LENG8: variants seen among roughly 807,000 people sequenced by gnomAD.
The protein encoded by LENG8 is leukocyte receptor cluster (LRC) member 8.
Under a neutral mutation model 102.1 loss-of-function variants are expected in LENG8, and 28 were observed. That is an observed-to-expected ratio of 0.27 (90% CI 0.20 to 0.38). The LOEUF (loss-of-function observed/expected upper bound fraction) is 0.38. LENG8 is among the 10% of genes least tolerant of loss of function. LENG8 has a pLI of 1.00. For synonymous variants in LENG8, 531 were observed against 456.7 expected, an observed-to-expected ratio of 1.16 and a Z score of -2.07; for missense variants, 1,022 against 1,113.9, an observed-to-expected ratio of 0.92 and a Z score of 1.17.
At chr19:54,459,841 AG>A in intron 15 of LENG8, 1 of 1,159,964 alleles carries the variant, frequency 8.6e-7, no homozygotes, top group Non-Finnish European at 1.1e-6. Context: ...GTTAGAAGGA[AG>A]GGGAGGCAGG....
At chr19:54,454,351 G>A (rs2084105925) in intron 5 of LENG8, 79 bp from the exon 6 acceptor site, 7 of 1,445,250 alleles carry the variant, frequency 4.8e-6, no homozygotes, top group African/African-American at 2.8e-5. Flanking sequence ...TGACCACTGC[G>A]TCCTCACAGC....
At chr19:54,451,999 A>G (rs2083983172) in intron 2 of LENG8, 94 bp from the exon 3 acceptor site, 1 of 1,161,806 alleles carries the variant, frequency 8.6e-7, no homozygotes, top group Middle Eastern at 2.0e-4. Context: ...TAACAGTTAG[A>G]TATGGGATCC....
At chr19:54,454,749 C>T in intron 6 of LENG8, 67 bp downstream of exon 6, 1 of 1,499,206 alleles carries the variant, frequency 6.7e-7, no homozygotes. Flanking sequence ...GGGTGTGAGG[C>T]CCGTGGTGTG....
At chr19:54,450,343 T>C (rs1356292075) in intron 1 of LENG8, among the ~76,000 whole-genome samples, 1 of 152,136 alleles carries the variant, frequency 6.6e-6, no homozygotes, top group Non-Finnish European at 1.5e-5. Flanking sequence ...TAAGAACCCA[T>C]TTCTTCACGT....
chr19:54,457,725 TG>T, intron 11 of LENG8, 21 bp from the exon 12 acceptor site: 1 of 1,563,406 alleles, frequency 6.4e-7, no homozygotes, highest in Non-Finnish European at 8.8e-7. Context: ...ACTCCGAGTG[TG>T]AATTCAGTTC....
intron 2 of LENG8, 135 bp downstream of exon 2, chr19:54,451,517 G>A (rs1035453): frequency 0.44 from 375,336 of 862,534 alleles, 84,303 homozygotes; most frequent in East Asian, 0.62. Flanking sequence ...GGGTGGTGGT[G>A]AGGCAAACAC....
intron 5 of LENG8, 122 bp downstream of exon 5, chr19:54,453,778 T>C: frequency 2.9e-6 from 2 of 696,636 alleles, no homozygotes; most frequent in Non-Finnish European, 4.8e-6. Context: ...AAGCAACTCC[T>C]GATCTGAAAA....
chr19:54,452,802 G>C (rs1264524186), intron 4 of LENG8, 50 bp downstream of exon 4: 1 of 1,377,774 alleles, frequency 7.3e-7, no homozygotes, highest in African/African-American at 1.4e-5. Flanking sequence ...AGTCTGCTGG[G>C]TCGGGGCGAG....
At position 54,461,034 on chromosome 19, in the gene LENG8, G is replaced by A. The variant is rs1166308917; in HGVS notation, c.*106G>A. On this transcript the variant is annotated 3_prime_UTR_variant, in exon 16 of 16. Coordinates refer to ENST00000326764, the MANE Select transcript of LENG8 (RefSeq NM_052925.4). ...TGGGTTGTAAATTTATTTGTGGGGA[G>A]TGCGCTCCAGGAAGAGCCACCATCC... The A allele has an allele frequency of 1.2e-5, 18 of 1,490,870 alleles. No individual in the cohort carries two copies. Among genetic ancestry groups the A allele is most frequent in the Non-Finnish European group, 1.5e-5 (17 of 1,110,958 alleles). The allele number at this position is 1,490,870 out of a possible 1,614,324, so 92.4% of individuals were successfully genotyped here.
chr19:54,457,030 G>A, intron 11 of LENG8, 109 bp downstream of exon 11: 2 of 1,232,472 alleles, frequency 1.6e-6, no homozygotes, highest in Admixed American at 5.5e-5. Flanking sequence ...TGGTATGGCA[G>A]GGGAAGCTCG....
rs746123268 is a variant in LENG8 at position 54,459,209 on chromosome 19, A to G, written c.2240+688A>G. 1,318 of 1,113,646 alleles carry G rather than the reference A, an allele frequency of 1.2e-3. 3 individuals carry two copies. Among genetic ancestry groups the G allele is most frequent in the Non-Finnish European group, 1.4e-3 (1,242 of 910,094 alleles). 69.0% of individuals were successfully genotyped at this position (1,113,646 alleles called of 1,614,324 possible). A position where few individuals can be genotyped will look rare whatever the true frequency, so the allele number is the denominator to read the frequency against. ...GGTTTTCGCTTGTCACAGCAAGGGG[A>G]TGCTCTTGGCATCTAGTGAGTGGAG... On this transcript the variant is annotated intron_variant, in intron 15 of 15. Coordinates refer to ENST00000326764, the MANE Select transcript of LENG8 (RefSeq NM_052925.4).
chr19:54,455,790 C>T (rs768423856), intron 8 of LENG8, among the ~76,000 whole-genome samples, 177 bp from the exon 9 acceptor site: 1 of 152,082 alleles, frequency 6.6e-6, no homozygotes, highest in African/African-American at 2.4e-5. Flanking sequence ...TGGTTAAGCG[C>T]ACCCTCTGGA....
chr19:54,453,068 T>G (rs2084037675), intron 4 of LENG8, among the ~76,000 whole-genome samples: 1 of 152,214 alleles, frequency 6.6e-6, no homozygotes, highest in Non-Finnish European at 1.5e-5. Context: ...GTGCTCCCTG[T>G]GTTGCCGCCT....
At position 54,452,214 on chromosome 19, in the gene LENG8, G is replaced by C; in HGVS notation, c.160G>C (p.Ala54Pro). The C allele has an allele frequency of 1.2e-6, 2 of 1,613,914 alleles. No individual in the cohort carries two copies. The highest frequency in any genetic ancestry group is 1.7e-6 in the Non-Finnish European group (2 of 1,179,960). The change falls in exon 3 of 16, where the codon GCT becomes CCT. Residue 54 changes from alanine to proline, a missense_variant. Ala to Pro is a conservative substitution (Grantham distance 27). This residue lies in a region of LENG8 where 343 missense variants were observed against 320.2 expected (regional missense o/e 1.07). Transcript: ENST00000326764. ...QALASISKSGAAGGSAKSSSN... is the reference protein window; with the variant it reads ...QALASISKSGPAGGSAKSSSN... ...CCTGGCCAGCATCAGCAAGTCAGGA[G>C]CTGCCGGCGGCTCTGCCAAGTCCAG...
chr19:54,458,861 C>G (rs180787313), intron 15 of LENG8: 1 of 1,550,422 alleles, frequency 6.4e-7, no homozygotes, highest in East Asian at 2.4e-5. Context: ...TCCTCAGAAC[C>G]CTGAGGTCTC....
Position 54,461,034 on chromosome 19 carries a change from G to C in LENG8, c.*106G>C. 1.3e-6 allele frequency: 2 copies of C among 1,490,988 alleles called. No individual in the cohort carries two copies. The highest frequency in any genetic ancestry group is 1.8e-6 in the Non-Finnish European group (2 of 1,110,950). 92.4% of individuals were successfully genotyped at this position (1,490,988 alleles called of 1,614,324 possible). A position where few individuals can be genotyped will look rare whatever the true frequency, so the allele number is the denominator to read the frequency against. ...TGGGTTGTAAATTTATTTGTGGGGAGTGCGCTCCAGGAAGAGCCACCATCC... is the reference window on the plus strand; with the variant it reads ...TGGGTTGTAAATTTATTTGTGGGGACTGCGCTCCAGGAAGAGCCACCATCC... On this transcript the variant is annotated 3_prime_UTR_variant, in exon 16 of 16. Transcript: ENST00000326764.
chr19:54,459,143 G>A (rs918970675), intron 15 of LENG8: 3 of 1,286,396 alleles, frequency 2.3e-6, no homozygotes, highest in African/African-American at 3.0e-5. Context: ...GTTCTGTCTG[G>A]TGATTGAGGT....
At chr19:54,450,664 C>T (rs1200686308) in intron 1 of LENG8, among the ~76,000 whole-genome samples, 2 of 150,038 alleles carry the variant, frequency 1.3e-5, no homozygotes, top group Admixed American at 1.3e-4. Context: ...CTCTTGTTGC[C>T]CAGGCTGGAG....
At position 54,456,351 on chromosome 19, in the gene LENG8, C is replaced by T; in HGVS notation, c.1331C>T (p.Ser444Phe). Residue 444 changes from serine (S) to phenylalanine (F), a missense_variant, in exon 10 of 16, where the codon TCC becomes TTC. Ser to Phe is a radical substitution (Grantham distance 155, BLOSUM62 -2). Around this residue, in one of 7 missense-constraint regions of LENG8, gnomAD observed 326 missense variants for 324.5 expected, o/e 1.00. Transcript: ENST00000326764. ...GACTCCCACTCAGACTCCGACAGCT[C>T]CTACTCAGGGAATGAGTGTCACCCT... is the stretch of plus-strand genomic sequence containing the variant. ...RSDSHSDSDS[S>F]YSGNECHPVG... 4 of 1,613,772 alleles carry T rather than the reference C, an allele frequency of 2.5e-6. No individual in the cohort carries two copies. Among genetic ancestry groups the T allele is most frequent in the Non-Finnish European group, 3.4e-6 (4 of 1,180,004 alleles).
Sources: gnomAD v4.1 joint callset for allele counts (sites outside exome capture counted in the v4.1 genomes callset) on GRCh38, gnomAD v4.1.1 for gene constraint, gnomAD v4.1.1 regional missense constraint, MANE v1.5 for transcripts, NCBI Gene and HGNC (gene_info 2026-07-23, HGNC 2026-07-21) for gene names.